The following LDB2 variants were observed in gnomAD, a reference collection of about 807,000 sequenced individuals.
The protein encoded by LDB2 is LIM domain binding 2, also known as LIM domain-binding protein 2.
A neutral mutation model predicts 44.3 loss-of-function variants in LDB2; 12 were observed. The ratio of observed to expected loss-of-function variants is 0.27; its 90% CI spans 0.17 to 0.44. The LOEUF is 0.44. LDB2 is among the 20% of genes least tolerant of loss of function. The pLI is 1.00. For synonymous variants in LDB2, 164 were observed against 174.8 expected, an observed-to-expected ratio of 0.94 and a Z score of 0.49; for missense variants, 344 against 473.5, an observed-to-expected ratio of 0.73 and a Z score of 2.54.
chr4:16,641,489 G>A (rs998596673), intron 2 of LDB2, among the ~76,000 whole-genome samples: 3 of 152,168 alleles, frequency 2.0e-5, no homozygotes, highest in Admixed American at 1.3e-4. Flanking sequence ...TCTGCTTCCA[G>A]TAAGGGCCTC....
At chr4:16,800,356 G>A (rs567367923) in intron 1 of LDB2, among the ~76,000 whole-genome samples, 2 of 152,278 alleles carry the variant, frequency 1.3e-5, no homozygotes, top group South Asian at 4.2e-4. Flanking sequence ...CTCTGCATCT[G>A]TTTATAAACC....
rs558037722 is a variant in LDB2 at position 16,518,535 on chromosome 4, A to G, written c.616-6431T>C. Among the ~76,000 whole-genome samples, 13 of 151,052 alleles carry G rather than the reference A, an allele frequency of 8.6e-5. No homozygotes were observed. The South Asian group carries it at 2.7e-3, about 32-fold the overall frequency. On this transcript the variant is annotated intron_variant, in intron 5 of 7. Transcript: ENST00000304523. ...TTCTCTCCTCTTTCTCAGTCATCTTAACTAGGATTTGGCAAACTATGACCT... is the reference window on the plus strand; with the variant it reads ...TTCTCTCCTCTTTCTCAGTCATCTTGACTAGGATTTGGCAAACTATGACCT...
At chr4:16,764,133 C>G (rs1331678718) in intron 1 of LDB2, among the ~76,000 whole-genome samples, 2 of 152,088 alleles carry the variant, frequency 1.3e-5, no homozygotes, top group Non-Finnish European at 1.5e-5. Flanking sequence ...AATAATTTTA[C>G]TTAAAAAGTT....
chr4:16,570,745 G>A (rs1746226555), intron 5 of LDB2, among the ~76,000 whole-genome samples: 1 of 151,990 alleles, frequency 6.6e-6, no homozygotes, highest in Non-Finnish European at 1.5e-5. Flanking sequence ...AAAAAAATTT[G>A]GTTAGAGTAT....
chr4:16,586,045 A>G (rs1420406966), intron 4 of LDB2, 40 bp from the exon 5 acceptor site: 2 of 1,478,990 alleles, frequency 1.4e-6, no homozygotes, highest in East Asian at 2.3e-5. Flanking sequence ...TTATCACTAC[A>G]GGACGGTCCT....
At chr4:16,759,738 T>C (rs1467386966) in intron 1 of LDB2, among the ~76,000 whole-genome samples, 3 of 152,154 alleles carry the variant, frequency 2.0e-5, no homozygotes, top group Non-Finnish European at 2.9e-5. Flanking sequence ...CAAATATCCC[T>C]ATAAAAGATA....
chr4:16,679,286 A>G lies in LDB2; in HGVS notation c.235+79872T>C, dbSNP rs566102592. 2.4e-4 allele frequency among the ~76,000 whole-genome samples: 37 copies of G among 152,278 alleles called. No individual in the cohort carries two copies. The South Asian group carries it at 6.0e-3, about 25-fold the overall frequency. On this transcript the variant is annotated intron_variant, in intron 2 of 7. Transcript: ENST00000304523. ...TAAAGAAAGGGAATAACAAAAAGTGAGAGAAGAAAGGAGGAGGAGAGGGAG... is the reference window on the plus strand; with the variant it reads ...TAAAGAAAGGGAATAACAAAAAGTGGGAGAAGAAAGGAGGAGGAGAGGGAG...
At chr4:16,542,823 G>A (rs922142260) in intron 5 of LDB2, among the ~76,000 whole-genome samples, 2 of 151,748 alleles carry the variant, frequency 1.3e-5, no homozygotes, top group Non-Finnish European at 2.9e-5. Context: ...AGCGTACAAT[G>A]TGCAGGTTTG....
Position 16,595,687 on chromosome 4 carries a change from A to T in LDB2, c.408+16T>A. On this transcript the variant is annotated intron_variant, in intron 3 of 7. Coordinates refer to ENST00000304523, the MANE Select transcript of LDB2 (RefSeq NM_001290.5). ...GAGTAGGAAAAGCCGGGCATGTGAC[A>T]GAGCCTGTCCTGTACCTTGGTAAAC... is the stretch of plus-strand genomic sequence containing the variant. 1.2e-6 allele frequency: 2 copies of T among 1,607,346 alleles called. No individual in the cohort carries two copies. The highest frequency in any genetic ancestry group is 1.7e-6 in the Non-Finnish European group (2 of 1,176,822).
At chr4:16,514,019 G>C (rs1007202646) in intron 5 of LDB2, among the ~76,000 whole-genome samples, 4 of 152,184 alleles carry the variant, frequency 2.6e-5, no homozygotes, top group Non-Finnish European at 4.4e-5. Flanking sequence ...CCATATCCAG[G>C]AGGAAGGAAT....
chr4:16,635,194 G>A (rs909342401), intron 2 of LDB2, among the ~76,000 whole-genome samples: 1 of 152,102 alleles, frequency 6.6e-6, no homozygotes, highest in Admixed American at 6.6e-5. Context: ...TAATGTAGGT[G>A]ATGAGTTGAT....
intron 2 of LDB2, among the ~76,000 whole-genome samples, chr4:16,690,098 C>T (rs188907859): frequency 1.3e-5 from 2 of 152,098 alleles, no homozygotes; most frequent in Non-Finnish European, 2.9e-5. Flanking sequence ...TTTTTAATGG[C>T]CATGATCTTA....
intron 5 of LDB2, among the ~76,000 whole-genome samples, chr4:16,543,365 T>A (rs905186000): frequency 1.3e-5 from 2 of 152,216 alleles, no homozygotes; most frequent in African/African-American, 4.8e-5. Context: ...TCCACAATGG[T>A]TGAACTAGTT....
intron 1 of LDB2, among the ~76,000 whole-genome samples, chr4:16,814,702 T>C (rs1475554867): frequency 6.6e-6 from 1 of 152,194 alleles, no homozygotes; most frequent in Non-Finnish European, 1.5e-5. Context: ...GAAATTATGG[T>C]TTGGAATATG....
chr4:16,601,503 A>G (rs559081831), intron 2 of LDB2, among the ~76,000 whole-genome samples: 9 of 152,322 alleles, frequency 5.9e-5, no homozygotes, highest in African/African-American at 1.2e-4. Context: ...GCCATTTAAC[A>G]TATTATCACT....
intron 2 of LDB2, among the ~76,000 whole-genome samples, chr4:16,709,027 C>A (rs1755271216): frequency 6.6e-6 from 1 of 152,144 alleles, no homozygotes; most frequent in Admixed American, 6.6e-5. Context: ...TCAATGACAG[C>A]TCATCCTTGA....
chr4:16,653,153 G>A (rs1451014307), intron 2 of LDB2, among the ~76,000 whole-genome samples: 1 of 152,154 alleles, frequency 6.6e-6, no homozygotes, highest in African/African-American at 2.4e-5. Context: ...AGCTGATAGA[G>A]CCACCGGGTC....
At chr4:16,808,320 C>T (rs1470304223) in intron 1 of LDB2, among the ~76,000 whole-genome samples, 2 of 152,148 alleles carry the variant, frequency 1.3e-5, no homozygotes, top group Non-Finnish European at 2.9e-5. Context: ...AAGACACAGA[C>T]ATGGCTGTTC....
At chr4:16,528,849 T>G (rs1279112237) in intron 5 of LDB2, among the ~76,000 whole-genome samples, 1 of 152,144 alleles carries the variant, frequency 6.6e-6, no homozygotes, top group Non-Finnish European at 1.5e-5. Context: ...AAGCCCAGTT[T>G]CATCATTCTG....
Sources: allele counts gnomAD v4.1 joint callset (sites outside exome capture counted in the v4.1 genomes callset), GRCh38; gene constraint gnomAD v4.1.1; transcripts MANE v1.5; gene names NCBI Gene and HGNC (gene_info 2026-07-23, HGNC 2026-07-21).